Variants in GOLPH3L observed in about 807,000 individuals in gnomAD.
GOLPH3L encodes golgi phosphoprotein 3 like.
Under a neutral mutation model 30.3 loss-of-function variants are expected in GOLPH3L, and 22 were observed. The ratio of observed to expected loss-of-function variants is 0.73; its 90% CI spans 0.52 to 1.04. GOLPH3L has a LOEUF of 1.04. GOLPH3L is among the 50% of genes least tolerant of loss of function. GOLPH3L has a pLI of 0.00. For missense variants in GOLPH3L, 303 were observed against 345.8 expected (o/e 0.88, Z 0.98); for synonymous variants, 120 against 128.2 (o/e 0.94, Z 0.43).
Position 150,648,722 on chromosome 1 carries a change from GTAA to G in GOLPH3L, c.454_456del (p.Leu152del). On this transcript the variant is annotated inframe_deletion, in exon 5 of 5. Transcript: ENST00000271732. ...TCTCGTACATTTCTCAGCTGGTACT[GTAA>G]TTTGAAGGGGTTCCAGGTCTCACCT... 6.2e-7 allele frequency: 1 copy of G among 1,611,000 alleles called. No homozygotes were observed. Among genetic ancestry groups the G allele is most frequent in the Non-Finnish European group, 8.5e-7 (1 of 1,177,202 alleles).
intron 2 of GOLPH3L, among the ~76,000 whole-genome samples, chr1:150,676,124 C>T (rs1481996582): frequency 6.6e-6 from 1 of 152,034 alleles, no homozygotes; most frequent in Non-Finnish European, 1.5e-5. Flanking sequence ...CCAGCGCATG[C>T]CACCATGCCT....
chr1:150,682,291 C>T (rs972260653), intron 2 of GOLPH3L, among the ~76,000 whole-genome samples: 1 of 152,006 alleles, frequency 6.6e-6, no homozygotes, highest in Non-Finnish European at 1.5e-5. Flanking sequence ...TGTTATCTCA[C>T]ACCCCAAGCA....
intron 2 of GOLPH3L, among the ~76,000 whole-genome samples, chr1:150,677,206 G>T (rs1258339860): frequency 2.0e-5 from 3 of 151,898 alleles, no homozygotes; most frequent in Non-Finnish European, 4.4e-5. Flanking sequence ...GAGTAGCTGG[G>T]ATTACAGGCA....
intron 4 of GOLPH3L, among the ~76,000 whole-genome samples, chr1:150,657,619 C>T (rs1214078434): frequency 6.6e-6 from 1 of 152,220 alleles, no homozygotes; most frequent in Non-Finnish European, 1.5e-5. Flanking sequence ...TCACCTTTTG[C>T]AGTGTTTGTG....
At chr1:150,695,429 G>T (rs1315279424) in intron 1 of GOLPH3L, among the ~76,000 whole-genome samples, 3 of 151,902 alleles carry the variant, frequency 2.0e-5, no homozygotes, top group African/African-American at 7.3e-5. Context: ...GAGCCACCAG[G>T]CCCGGCCAAA....
intron 2 of GOLPH3L, among the ~76,000 whole-genome samples, chr1:150,666,313 C>T (rs1020767379): frequency 2.7e-5 from 4 of 150,678 alleles, no homozygotes; most frequent in African/African-American, 9.7e-5. Flanking sequence ...TTTCCATTTG[C>T]TTGTTCTCTG....
Position 150,664,587 on chromosome 1 carries a change from G to A in GOLPH3L, c.184-824C>T, listed in dbSNP as rs1401306654. Among the ~76,000 whole-genome samples the A allele has an allele frequency of 2.0e-5, 3 of 152,156 alleles. No homozygotes were observed. The East Asian group carries it at 5.8e-4, about 29-fold the overall frequency. ...TCCTGCCTCAGCCTCCTGAGTAGCT[G>A]GGATTACAGGTGTGCACTGCCACAC... is the stretch of plus-strand genomic sequence containing the variant. On this transcript the variant is annotated intron_variant, in intron 2 of 4. Transcript: ENST00000271732.
chr1:150,679,608 C>T (rs1650903277), intron 2 of GOLPH3L, among the ~76,000 whole-genome samples: 1 of 152,010 alleles, frequency 6.6e-6, no homozygotes, highest in Admixed American at 6.6e-5. Flanking sequence ...CCAGCCTGGG[C>T]AACAAAGTGA....
At chr1:150,682,539 G>A (rs1650978931) in intron 2 of GOLPH3L, among the ~76,000 whole-genome samples, 1 of 149,296 alleles carries the variant, frequency 6.7e-6, no homozygotes, top group South Asian at 2.1e-4. Context: ...TGAGGCAGGG[G>A]GATCACCTGC....
intron 4 of GOLPH3L, among the ~76,000 whole-genome samples, chr1:150,655,232 G>A (rs369355772): frequency 3.3e-5 from 5 of 152,136 alleles, no homozygotes; most frequent in Admixed American, 6.6e-5. Flanking sequence ...GGCCGTCTGC[G>A]TGGCCAATTC....
intron 4 of GOLPH3L, among the ~76,000 whole-genome samples, chr1:150,650,854 A>C (rs1251636453): frequency 2.6e-5 from 4 of 152,186 alleles, no homozygotes; most frequent in African/African-American, 9.7e-5. Flanking sequence ...ATTGTGACCC[A>C]TTGACCCATT....
chr1:150,675,618 T>A (rs1171115223), intron 2 of GOLPH3L, among the ~76,000 whole-genome samples: 2 of 151,384 alleles, frequency 1.3e-5, no homozygotes, highest in Non-Finnish European at 2.9e-5. Flanking sequence ...CTACTAAAAA[T>A]ACAAAAAATT....
rs780557898 is a variant in GOLPH3L at position 150,648,344 on chromosome 1, G to A, written c.835C>T (p.Leu279=). ...CTTTAAGATTTATTGAAGGCTGCCA[G>A]CACAGCCCAGATCATTTCTGTGGCA... ...PSATEMIWAV[L]AAFNKS The change falls in exon 5 of 5, where the codon CTG becomes TTG. Residue 279 remains leucine (L), a synonymous_variant. Coordinates refer to ENST00000271732, the MANE Select transcript of GOLPH3L (RefSeq NM_018178.6). 1.3e-5 allele frequency: 21 copies of A among 1,608,896 alleles called. No homozygotes were observed. In the South Asian group the frequency reaches 1.9e-4, roughly 14 times the overall value.
chr1:150,687,713 A>G (rs976056049), intron 2 of GOLPH3L, among the ~76,000 whole-genome samples: 1 of 152,224 alleles, frequency 6.6e-6, no homozygotes, highest in Non-Finnish European at 1.5e-5. Context: ...GAAAAAGCGT[A>G]GCATTAACAT....
chr1:150,669,986 C>G (rs1172584759), intron 2 of GOLPH3L, among the ~76,000 whole-genome samples: 1 of 146,836 alleles, frequency 6.8e-6, no homozygotes, highest in African/African-American at 2.5e-5. Context: ...GCAGGCCCGG[C>G]GTGGTCGCTC....
chr1:150,687,296 G>A (rs587726422), intron 2 of GOLPH3L, among the ~76,000 whole-genome samples: 1 of 151,974 alleles, frequency 6.6e-6, no homozygotes, highest in South Asian at 2.1e-4. Flanking sequence ...AACCTTTTTG[G>A]GCTGGGCGTG....
intron 2 of GOLPH3L, among the ~76,000 whole-genome samples, chr1:150,684,506 G>GA (rs964555598): frequency 6.6e-6 from 1 of 151,744 alleles, no homozygotes; most frequent in African/African-American, 2.4e-5. Context: ...TAAGATGCAA[G>GA]AAAAAATAAC....
At chr1:150,671,296 A>T (rs746606453) in intron 2 of GOLPH3L, among the ~76,000 whole-genome samples, 1 of 152,178 alleles carries the variant, frequency 6.6e-6, no homozygotes, top group Non-Finnish European at 1.5e-5. Context: ...TTTCTGTTGA[A>T]TATCTAGAAG....
intron 2 of GOLPH3L, among the ~76,000 whole-genome samples, chr1:150,683,677 G>C (rs995697461): frequency 8.6e-6 from 1 of 116,394 alleles, no homozygotes; most frequent in Admixed American, 1.2e-4. Context: ...TCCAGCTTGG[G>C]TGACAGAGCG....
Sources: gnomAD v4.1 joint callset for allele counts (sites outside exome capture counted in the v4.1 genomes callset) on GRCh38, gnomAD v4.1.1 for gene constraint, MANE v1.5 for transcripts, NCBI Gene and HGNC (gene_info 2026-07-23, HGNC 2026-07-21) for gene names.